MEF2C: variants seen among roughly 807,000 people sequenced by gnomAD.
MEF2C encodes myocyte-specific enhancer factor 2C.
MEF2C carries 6 observed loss-of-function variants against 50.5 expected under a neutral mutation model. The observed-to-expected ratio is 0.12, with a 90% CI of 0.07 to 0.23. The LOEUF is 0.23. MEF2C is among the 10% of genes least tolerant of loss of function. MEF2C has a pLI of 1.00. For synonymous variants in MEF2C, 183 were observed against 228.0 expected (o/e 0.80, Z 1.78); for missense variants, 276 against 605.0 (o/e 0.46, Z 5.70).
intron 1 of MEF2C, among the ~76,000 whole-genome samples, chr5:88,874,114 A>G (rs1355319013): frequency 6.6e-6 from 1 of 151,998 alleles, no homozygotes; most frequent in Non-Finnish European, 1.5e-5. Context: ...AATGGTTAAC[A>G]GAGTTTAAAA....
At chr5:88,735,885 C>A in intron 6 of MEF2C, 1 of 985,342 alleles carries the variant, frequency 1.0e-6, no homozygotes, top group Non-Finnish European at 1.2e-6. Flanking sequence ...CTGAAACTTT[C>A]TTTTATTTGG....
chr5:88,823,684 G>A, intron 2 of MEF2C, 51 bp downstream of exon 2: 2 of 1,483,812 alleles, frequency 1.3e-6, no homozygotes, highest in Non-Finnish European at 1.9e-6. Flanking sequence ...AACATATGTG[G>A]AGAAAATATA....
intron 6 of MEF2C, 155 bp downstream of exon 6, chr5:88,748,915 G>C: frequency 2.0e-6 from 2 of 985,378 alleles, no homozygotes; most frequent in Non-Finnish European, 2.4e-6. Flanking sequence ...AACCACTCCT[G>C]CTTCAGAAAA....
chr5:88,856,641 C>T (rs1823488666), intron 1 of MEF2C, among the ~76,000 whole-genome samples: 1 of 152,238 alleles, frequency 6.6e-6, no homozygotes, highest in Non-Finnish European at 1.5e-5. Context: ...CCCTGTGTCC[C>T]AGCTGTGGCT....
intron 4 of MEF2C, among the ~76,000 whole-genome samples, chr5:88,757,066 G>C (rs1247387079): frequency 6.6e-6 from 1 of 152,008 alleles, no homozygotes; most frequent in African/African-American, 2.4e-5. Context: ...TGAGAACAGG[G>C]CCAAGTCGAG....
At chr5:88,767,326 C>T (rs1780471773) in intron 3 of MEF2C, among the ~76,000 whole-genome samples, 1 of 152,212 alleles carries the variant, frequency 6.6e-6, no homozygotes, top group Admixed American at 6.5e-5. Context: ...AATTTCTCCA[C>T]AGGTTTTAAT....
rs950847772 is a variant in MEF2C, at chr5:88,739,769, A to ATAGC, written c.638-7872_638-7869dup. On this transcript the variant is annotated intron_variant, in intron 6 of 10. Transcript: ENST00000504921. ...GAGAAAAAAAGATATTTTACATTGAATAGCTCTAAGAGAAAAGGCAACCAC... is the reference window on the plus strand; with the variant it reads ...GAGAAAAAAAGATATTTTACATTGAATAGCTAGCTCTAAGAGAAAAGGCAACCAC... The ATAGC allele has an allele frequency of 2.0e-5, 20 of 985,038 alleles. No homozygotes were observed. In the African/African-American group the frequency reaches 3.5e-4, roughly 17 times the overall value. 61.0% of individuals were successfully genotyped at this position (985,038 alleles called of 1,614,324 possible). A position where few individuals can be genotyped will look rare whatever the true frequency, so the allele number is the denominator to read the frequency against.
chr5:88,740,953 G>C, intron 6 of MEF2C: 1 of 985,304 alleles, frequency 1.0e-6, no homozygotes, highest in Non-Finnish European at 1.2e-6. Context: ...GTATAAATTA[G>C]AGAGAGCATG....
chr5:88,831,253 A>T (rs545688393), intron 1 of MEF2C, among the ~76,000 whole-genome samples: 70 of 152,218 alleles, frequency 4.6e-4, no homozygotes, highest in Non-Finnish European at 7.8e-4. Flanking sequence ...AACACATTTT[A>T]GTCTGTCGAA....
At chr5:88,863,404 A>T (rs190842218) in intron 1 of MEF2C, among the ~76,000 whole-genome samples, 1 of 152,382 alleles carries the variant, frequency 6.6e-6, no homozygotes, top group Admixed American at 6.5e-5. Flanking sequence ...GGGCAATAGC[A>T]GTAGACATTT....
At chr5:88,852,186 G>T (rs1184243894) in intron 1 of MEF2C, among the ~76,000 whole-genome samples, 2 of 152,176 alleles carry the variant, frequency 1.3e-5, no homozygotes, top group Middle Eastern at 3.4e-3. Flanking sequence ...TAACAGAAAA[G>T]ATTTATAATA....
chr5:88,820,361 C>T (rs1185600329), intron 2 of MEF2C, among the ~76,000 whole-genome samples: 1 of 151,924 alleles, frequency 6.6e-6, no homozygotes, highest in Non-Finnish European at 1.5e-5. Flanking sequence ...CTCACCTAAA[C>T]TATTTCATGT....
At chr5:88,729,605 G>A (rs1760531550) in intron 8 of MEF2C, 1 of 420,026 alleles carries the variant, frequency 2.4e-6, no homozygotes, top group Non-Finnish European at 4.4e-6. Context: ...CTTTATTATG[G>A]GTAAAAACAG....
At position 88,823,980 on chromosome 5, in the gene MEF2C, A is replaced by AT; in HGVS notation, c.-142-51dup. The AT allele has an allele frequency of 2.2e-6, 3 of 1,355,300 alleles. No homozygotes were observed. In the South Asian group the frequency reaches 6.0e-5, roughly 27 times the overall value. The allele number at this position is 1,355,300 out of a possible 1,614,324, so 84.0% of individuals were successfully genotyped here. A position where few individuals can be genotyped will look rare whatever the true frequency, so the allele number is the denominator to read the frequency against. On this transcript the variant is annotated intron_variant, in intron 1 of 10. Coordinates refer to ENST00000504921, the MANE Select transcript of MEF2C (RefSeq NM_002397.5). ...ACCACTCTAACAGCAAGTCAGTTTC[A>AT]TAAGAACTATCATATTCTAATTTTA...
chr5:88,844,403 A>G (rs1169686416), intron 1 of MEF2C, among the ~76,000 whole-genome samples: 1 of 152,248 alleles, frequency 6.6e-6, no homozygotes, highest in Non-Finnish European at 1.5e-5. Flanking sequence ...GTTTTAAAAT[A>G]TTATATGTCA....
At chr5:88,824,990 A>G (rs1455944909) in intron 1 of MEF2C, 1 of 151,996 alleles carries the variant, frequency 6.6e-6, no homozygotes, top group Non-Finnish European at 1.5e-5. Flanking sequence ...TTCAAGCAAC[A>G]GCTCCAATTA....
chr5:88,837,502 G>A (rs1359928832), intron 1 of MEF2C, among the ~76,000 whole-genome samples: 1 of 152,098 alleles, frequency 6.6e-6, no homozygotes, highest in Admixed American at 6.6e-5. Context: ...AGTTGGGTTC[G>A]CTAGCTGCAT....
intron 1 of MEF2C, among the ~76,000 whole-genome samples, chr5:88,855,487 G>C (rs1031188123): frequency 4.6e-5 from 7 of 152,144 alleles, no homozygotes; most frequent in Admixed American, 4.6e-4. Context: ...ATAAAATAAT[G>C]CTTTTCATGT....
intron 3 of MEF2C, among the ~76,000 whole-genome samples, chr5:88,786,753 TCTCA>T (rs1471515947): frequency 1.1e-4 from 16 of 152,328 alleles, no homozygotes; most frequent in Admixed American, 3.9e-4. Flanking sequence ...CATTTATTAG[TCTCA>T]CTTTTAGTTT....
Sources: gnomAD v4.1 joint callset for allele counts (sites outside exome capture counted in the v4.1 genomes callset) on GRCh38, gnomAD v4.1.1 for gene constraint, MANE v1.5 for transcripts, NCBI Gene and HGNC (gene_info 2026-07-23, HGNC 2026-07-21) for gene names.